DEFB125: variants seen among roughly 807,000 people sequenced by gnomAD.
DEFB125 encodes the protein defensin beta 125.
DEFB125 carries 11 observed loss-of-function variants against 11.8 expected under a neutral mutation model. The ratio of observed to expected loss-of-function variants is 0.94; its 90% CI spans 0.59 to 1.55. DEFB125 has a LOEUF of 1.55. Ranked by LOEUF, DEFB125 falls within the 40% of genes most tolerant of loss-of-function variation. The probability of loss-of-function intolerance (pLI) is 0.00; values close to 1 mark genes in which losing one functional copy is unlikely to be tolerated. For synonymous variants in DEFB125, 79 were observed against 66.7 expected (o/e 1.18, Z -0.90); for missense variants, 198 against 191.2 (o/e 1.04, Z -0.21).
At chr20:93,944 G>A (rs2054505590) in intron 1 of DEFB125, among the ~76,000 whole-genome samples, 1 of 152,034 alleles carries the variant, frequency 6.6e-6, no homozygotes, top group Non-Finnish European at 1.5e-5. Flanking sequence ...GCAGTTCAAG[G>A]CTATTATGGG....
At chr20:88,985 T>C (rs572567210) in intron 1 of DEFB125, among the ~76,000 whole-genome samples, 3 of 152,246 alleles carry the variant, frequency 2.0e-5, no homozygotes, top group Non-Finnish European at 4.4e-5. Flanking sequence ...TCAGTCCTTT[T>C]TGTTTTTTCT....
chr20:95,162 T>C (rs1010166904), intron 1 of DEFB125, among the ~76,000 whole-genome samples: 5 of 152,218 alleles, frequency 3.3e-5, no homozygotes, highest in African/African-American at 1.2e-4. Context: ...GGAGCTCTGC[T>C]CTGCTGGGGG....
At chr20:88,859 C>T (rs992315280) in intron 1 of DEFB125, among the ~76,000 whole-genome samples, 1 of 123,426 alleles carries the variant, frequency 8.1e-6, no homozygotes, top group Non-Finnish European at 1.7e-5. Context: ...TATGACTGGA[C>T]ACGTGGACAC....
rs2054515087 is a variant in DEFB125 at position 96,264 on chromosome 20, A to G, written c.318A>G (p.Lys106=). Residue 106 remains lysine (K), a synonymous_variant, in exon 2 of 2, where the codon AAA becomes AAG. Transcript: ENST00000382410. ...LNDLITFDTT[K]FGETMTPETN... is the part of the protein sequence containing the mutation. Reference sequence around the variant, plus strand: ...ATCTGATAACATTTGACACAACTAAATTTGGAGAAACCATGACACCTGAGA... The same window carrying G: ...ATCTGATAACATTTGACACAACTAAGTTTGGAGAAACCATGACACCTGAGA... The G allele has an allele frequency of 6.2e-7, 1 of 1,614,046 alleles. No individual in the cohort carries two copies. The highest frequency in any genetic ancestry group is 1.3e-5 in the African/African-American group (1 of 74,906).
intron 1 of DEFB125, among the ~76,000 whole-genome samples, chr20:92,160 G>C (rs920265801): frequency 2.8e-4 from 43 of 152,106 alleles, no homozygotes; most frequent in African/African-American, 9.6e-4. Context: ...ACATATACCA[G>C]GCTTCCTCCT....
chr20:96,505 G>A lies in DEFB125; in HGVS notation c.*88G>A. The A allele has an allele frequency of 1.2e-5, 17 of 1,469,920 alleles. No individual in the cohort carries two copies. The highest frequency in any genetic ancestry group is 1.5e-5 in the Non-Finnish European group (17 of 1,101,352). 91.1% of individuals were successfully genotyped at this position (1,469,920 alleles called of 1,614,324 possible). Reference sequence around the variant, plus strand: ...GATTCTACCAATCCAATTTCACCAGGAAAATTCCATCAGGGATTGGATGAC... The same window carrying A: ...GATTCTACCAATCCAATTTCACCAGAAAAATTCCATCAGGGATTGGATGAC... On this transcript the variant is annotated 3_prime_UTR_variant, in exon 2 of 2. Transcript: ENST00000382410.
intron 1 of DEFB125, among the ~76,000 whole-genome samples, chr20:94,451 A>G (rs564269904): frequency 4.8e-4 from 73 of 152,096 alleles, no homozygotes; most frequent in Non-Finnish European, 8.2e-4. Flanking sequence ...AAACTGTTCC[A>G]CCTCAGGTCA....
At chr20:94,265 G>C (rs996710584) in intron 1 of DEFB125, among the ~76,000 whole-genome samples, 1 of 150,848 alleles carries the variant, frequency 6.6e-6, no homozygotes, top group East Asian at 2.2e-4. Context: ...TTTTTATATT[G>C]GGAACATTCA....
chr20:91,275 GTTGA>G (rs2054495152), intron 1 of DEFB125, among the ~76,000 whole-genome samples: 2 of 152,138 alleles, frequency 1.3e-5, no homozygotes, highest in African/African-American at 4.8e-5. Context: ...TCTTCACTTT[GTTGA>G]TTATTTCCTT....
chr20:89,679 T>C (rs1309699760), intron 1 of DEFB125, among the ~76,000 whole-genome samples: 2 of 152,158 alleles, frequency 1.3e-5, no homozygotes, highest in African/African-American at 2.4e-5. Context: ...TACTTTTTTC[T>C]GTCTGCTTCA....
At chr20:94,882 A>G (rs891764473) in intron 1 of DEFB125, among the ~76,000 whole-genome samples, 1 of 152,164 alleles carries the variant, frequency 6.6e-6, no homozygotes, top group Admixed American at 6.5e-5. Context: ...TCTATTTCAC[A>G]TAACGGAATG....
chr20:94,077 T>A (rs534040370), intron 1 of DEFB125, among the ~76,000 whole-genome samples: 1 of 119,780 alleles, frequency 8.3e-6, no homozygotes, highest in African/African-American at 3.6e-5. Context: ...AACATTTTTT[T>A]AAGTTTTTTG....
chr20:95,950 AGTT>A, intron 1 of DEFB125, 52 bp from the exon 2 acceptor site: 6 of 1,485,910 alleles, frequency 4.0e-6, no homozygotes, highest in Non-Finnish European at 5.4e-6. Flanking sequence ...ATGAATGAAA[AGTT>A]GTTATGTTGA....
chr20:95,912 C>T (rs2054512874), intron 1 of DEFB125, 93 bp from the exon 2 acceptor site: 2 of 1,171,600 alleles, frequency 1.7e-6, no homozygotes, highest in East Asian at 2.4e-5. Context: ...TCATATTAGT[C>T]TAGATGTCAG....
intron 1 of DEFB125, among the ~76,000 whole-genome samples, chr20:91,116 A>G (rs1286988354): frequency 1.3e-5 from 2 of 152,158 alleles, no homozygotes; most frequent in Non-Finnish European, 2.9e-5. Context: ...AGAAATGTCT[A>G]TTCAAATCTT....
chr20:96,207 T>C lies in DEFB125; in HGVS notation c.261T>C (p.Ser87=). Residue 87 remains serine, a synonymous_variant, in exon 2 of 2, where the codon TCT becomes TCC. Coordinates refer to ENST00000382410, the MANE Select transcript of DEFB125 (RefSeq NM_153325.4). ...DITLDYSDVD[S]FTGSPVSMLN... is the part of the protein sequence containing the mutation. ...CATTGGATTATAGTGATGTGGACTC[T>C]TTTACTGGTTCCCCAGTATCTATGT... 1 of 1,614,194 alleles carries C rather than the reference T, an allele frequency of 6.2e-7. No homozygotes were observed. The highest frequency in any genetic ancestry group is 8.5e-7 in the Non-Finnish European group (1 of 1,180,026).
chr20:89,649 G>A (rs2122974288), intron 1 of DEFB125, among the ~76,000 whole-genome samples: 1 of 152,030 alleles, frequency 6.6e-6, no homozygotes, highest in Admixed American at 6.5e-5. Context: ...AAATCATTCA[G>A]CATAAAATTC....
chr20:88,061 C>T (rs769090821), intron 1 of DEFB125, among the ~76,000 whole-genome samples: 17 of 152,198 alleles, frequency 1.1e-4, no homozygotes, highest in South Asian at 2.1e-4. Context: ...TTAGTTCAGC[C>T]TCACTTCACT....
intron 1 of DEFB125, among the ~76,000 whole-genome samples, chr20:94,478 C>T (rs2054507462): frequency 6.6e-6 from 1 of 152,066 alleles, no homozygotes; most frequent in Non-Finnish European, 1.5e-5. Context: ...ATTAGAGTCT[C>T]ACAAGGAACA....
Sources: gnomAD v4.1 joint callset for allele counts (sites outside exome capture counted in the v4.1 genomes callset) on GRCh38, gnomAD v4.1.1 for gene constraint, MANE v1.5 for transcripts, NCBI Gene and HGNC (gene_info 2026-07-23, HGNC 2026-07-21) for gene names.